Variants in RIMKLB observed in about 807,000 individuals in gnomAD.
The protein encoded by RIMKLB is beta-citrylglutamate synthase B.
A neutral mutation model predicts 32.0 loss-of-function variants in RIMKLB; 7 were observed. That is an observed-to-expected ratio of 0.22 (90% confidence interval 0.12 to 0.41). RIMKLB has a LOEUF of 0.41. Ranked by LOEUF, RIMKLB falls within the 10% of genes least tolerant of loss-of-function variation. The pLI is 1.00. For missense variants in RIMKLB, 289 were observed against 498.7 expected (o/e 0.58, Z 4.00); for synonymous variants, 172 against 185.1 (o/e 0.93, Z 0.57).
intron 1 of RIMKLB, among the ~76,000 whole-genome samples, chr12:8,707,056 C>T (rs761628550): frequency 3.3e-5 from 5 of 152,262 alleles, no homozygotes; most frequent in Non-Finnish European, 7.4e-5. Context: ...CGTGGAAAAA[C>T]AACATTCAAT....
In RIMKLB at chr12:8,773,651, A is replaced by G. The variant is rs1481819439; in HGVS notation, c.1028A>G (p.Asn343Ser). The G allele has an allele frequency of 2.5e-6, 4 of 1,614,248 alleles. No individual in the cohort carries two copies. Among genetic ancestry groups the G allele is most frequent in the Non-Finnish European group, 3.4e-6 (4 of 1,180,048 alleles). The stretch of plus-strand genomic sequence containing the variant: ...CCCCCAGCCAGCACTGCTGTTGACA[A>G]CATGAGTGCAAGTTCCAGCTCTGTT... ...LGPPASTAVD[N>S]MSASSSSVDS... The change falls in exon 6 of 6, where the codon AAC becomes AGC. Residue 343 changes from asparagine (N) to serine (S), a missense_variant. Asn to Ser is a conservative substitution (Grantham distance 46). Coordinates refer to ENST00000535829, the MANE Select transcript of RIMKLB (RefSeq NM_001297776.2).
chr12:8,781,667 G>A (rs1020207617), downstream of RIMKLB, among the ~76,000 whole-genome samples: 6 of 152,052 alleles, frequency 3.9e-5, no homozygotes, highest in Admixed American at 2.6e-4. Flanking sequence ...TTAATTATCC[G>A]ATGTTGCCAT....
At chr12:8,769,245 A>C (rs1211838879) in intron 5 of RIMKLB, among the ~76,000 whole-genome samples, 1 of 152,018 alleles carries the variant, frequency 6.6e-6, no homozygotes, top group Non-Finnish European at 1.5e-5. Context: ...TTGACTTACT[A>C]ATGTTGTCAG....
chr12:8,701,205 G>A (rs986365499), intron 1 of RIMKLB, among the ~76,000 whole-genome samples: 4 of 152,184 alleles, frequency 2.6e-5, no homozygotes, highest in African/African-American at 9.7e-5. Flanking sequence ...GGGAGATTAC[G>A]TACAGATGTT....
intron 1 of RIMKLB, among the ~76,000 whole-genome samples, chr12:8,712,366 C>G (rs1944449000): frequency 6.6e-6 from 1 of 152,084 alleles, no homozygotes; most frequent in African/African-American, 2.4e-5. Flanking sequence ...AAGCCTAGAT[C>G]ACACCATTGC....
chr12:8,727,948 TTGTC>T (rs1363808457), intron 2 of RIMKLB, among the ~76,000 whole-genome samples: 1 of 152,104 alleles, frequency 6.6e-6, no homozygotes, highest in Non-Finnish European at 1.5e-5. Context: ...TGAAATATAT[TTGTC>T]TATCTATACA....
rs989017936 is a variant in RIMKLB, at chr12:8,751,816, A to G, written c.407-141A>G. On this transcript the variant is annotated intron_variant, in intron 3 of 5. Coordinates refer to ENST00000535829, the MANE Select transcript of RIMKLB (RefSeq NM_001297776.2). The stretch of plus-strand genomic sequence containing the variant: ...TCTGTTATATTTTCAACTTACACAT[A>G]CTTTCTCCAAGAAAAAAAGTTAGCC... 9.8e-6 allele frequency: 6 copies of G among 613,982 alleles called. No individual in the cohort carries two copies. In the Admixed American group the frequency reaches 1.7e-4, roughly 17 times the overall value. The allele number at this position is 613,982 out of a possible 1,614,324, so 38.0% of individuals were successfully genotyped here. A position where few individuals can be genotyped will look rare whatever the true frequency, so the allele number is the denominator to read the frequency against.
At chr12:8,752,747 G>GTT (rs113660868) in intron 4 of RIMKLB, among the ~76,000 whole-genome samples, 8,630 of 146,530 alleles carry the variant, frequency 0.059, 829 homozygotes, top group African/African-American at 0.2. Flanking sequence ...TTTGTTTTTT[G>GTT]TTTTTTTTTT....
At chr12:8,702,687 C>A (rs2136725455) in intron 1 of RIMKLB, among the ~76,000 whole-genome samples, 1 of 152,280 alleles carries the variant, frequency 6.6e-6, no homozygotes, top group South Asian at 2.1e-4. Flanking sequence ...GGCAGGGTTG[C>A]CCAAATAGCA....
chr12:8,745,019 G>A (rs963249689), intron 2 of RIMKLB, among the ~76,000 whole-genome samples: 2 of 151,774 alleles, frequency 1.3e-5, no homozygotes, highest in East Asian at 1.9e-4. Flanking sequence ...CAACGGGCCC[G>A]GTGTGTGATG....
chr12:8,683,274 C>T (rs1942467948), intron 1 of RIMKLB, among the ~76,000 whole-genome samples: 1 of 152,120 alleles, frequency 6.6e-6, no homozygotes, highest in South Asian at 2.1e-4. Flanking sequence ...TGGATGAATA[C>T]CAAGGAGTAT....
intron 2 of RIMKLB, 91 bp downstream of exon 2, chr12:8,714,132 T>A: frequency 9.5e-7 from 1 of 1,050,560 alleles, no homozygotes; most frequent in South Asian, 1.5e-5. Context: ...GAGGAATTCT[T>A]AGCCTTGTCA....
At chr12:8,713,705 C>T in intron 1 of RIMKLB, 106 bp from the exon 2 acceptor site, 2 of 712,498 alleles carry the variant, frequency 2.8e-6, no homozygotes, top group Non-Finnish European at 2.3e-6. Flanking sequence ...CGTGTTTTTT[C>T]CTGTTTATAT....
At chr12:8,717,874 C>A (rs1945019544) in intron 2 of RIMKLB, among the ~76,000 whole-genome samples, 1 of 152,102 alleles carries the variant, frequency 6.6e-6, no homozygotes, top group Non-Finnish European at 1.5e-5. Flanking sequence ...TGTTGAGTAT[C>A]TTCATCGGTT....
At chr12:8,733,031 G>C (rs1946692273) in intron 2 of RIMKLB, among the ~76,000 whole-genome samples, 1 of 151,948 alleles carries the variant, frequency 6.6e-6, no homozygotes, top group Admixed American at 6.6e-5. Flanking sequence ...GTTTATTGTT[G>C]TTTTTCTTGG....
chr12:8,735,091 AT>A (rs1946873258), intron 2 of RIMKLB, among the ~76,000 whole-genome samples: 4 of 152,180 alleles, frequency 2.6e-5, no homozygotes, highest in Admixed American at 2.0e-4. Context: ...CTGTCCTTAT[AT>A]GGGTACAGAA....
At chr12:8,699,973 A>G (rs949357345) in intron 1 of RIMKLB, 1 of 152,256 alleles carries the variant, frequency 6.6e-6, no homozygotes, top group African/African-American at 2.4e-5. Context: ...GCTACCAGCT[A>G]AAATTCTACT....
At chr12:8,722,284 T>C (rs927043321) in intron 2 of RIMKLB, among the ~76,000 whole-genome samples, 8 of 152,076 alleles carry the variant, frequency 5.3e-5, no homozygotes. Context: ...TTAGCAGCTA[T>C]GAAAATAATG....
chr12:8,705,725 A>G (rs1234965978), intron 1 of RIMKLB, among the ~76,000 whole-genome samples: 1 of 152,158 alleles, frequency 6.6e-6, no homozygotes, highest in Non-Finnish European at 1.5e-5. Context: ...CGGAGTTGCT[A>G]AGTTCAAAAT....
Sources: gnomAD v4.1 joint callset for allele counts (sites outside exome capture counted in the v4.1 genomes callset) on GRCh38, gnomAD v4.1.1 for gene constraint, MANE v1.5 for transcripts, NCBI Gene and HGNC (gene_info 2026-07-23, HGNC 2026-07-21) for gene names.